Variants in AKT3 observed in about 807,000 individuals in gnomAD.
AKT3 encodes RAC-gamma serine/threonine-protein kinase.
A neutral mutation model predicts 65.3 loss-of-function variants in AKT3; 15 were observed. The ratio of observed to expected loss-of-function variants is 0.23; its 90% confidence interval spans 0.15 to 0.35. AKT3 has a LOEUF of 0.35. Among genes scored for constraint, AKT3 ranks in the 10% least tolerant of loss-of-function variants. AKT3 has a pLI of 1.00. For missense variants in AKT3, 243 were observed against 576.5 expected (o/e 0.42, Z 5.92); for synonymous variants, 206 against 183.8 (o/e 1.12, Z -0.98).
At chr1:243,823,177 C>A (rs1399334908) in intron 2 of AKT3, among the ~76,000 whole-genome samples, 1 of 150,432 alleles carries the variant, frequency 6.6e-6, no homozygotes, top group African/African-American at 2.5e-5. Context: ...AAAAACAAAA[C>A]CACATGATTA....
At chr1:243,499,627 T>C (rs1669005464), downstream of AKT3, 1 of 770,210 alleles carries the variant, frequency 1.3e-6, no homozygotes, top group African/African-American at 1.8e-5. Flanking sequence ...AATTTCCACA[T>C]TTTTAGCAAC....
At chr1:243,604,935 G>A (rs544814921) in intron 8 of AKT3, among the ~76,000 whole-genome samples, 1 of 152,104 alleles carries the variant, frequency 6.6e-6, no homozygotes, top group Non-Finnish European at 1.5e-5. Context: ...TCCTTAGAAC[G>A]GTATTACACT....
intron 2 of AKT3, among the ~76,000 whole-genome samples, chr1:243,817,512 G>C (rs768147289): frequency 6.6e-6 from 1 of 151,980 alleles, no homozygotes; most frequent in Non-Finnish European, 1.5e-5. Flanking sequence ...AAACTGAGGT[G>C]GGCGAATCAC....
chr1:243,602,064 T>A (rs1192002843), intron 8 of AKT3, among the ~76,000 whole-genome samples: 1 of 152,206 alleles, frequency 6.6e-6, no homozygotes, highest in Non-Finnish European at 1.5e-5. Flanking sequence ...CCCCTGCAGT[T>A]CCAGCCACTT....
intron 12 of AKT3, among the ~76,000 whole-genome samples, chr1:243,513,234 C>A (rs968523938): frequency 6.6e-6 from 1 of 152,180 alleles, no homozygotes; most frequent in Non-Finnish European, 1.5e-5. Flanking sequence ...ACACGAGGCT[C>A]CTGCTTCTCA....
At position 243,683,490 on chromosome 1, in the gene AKT3, G is replaced by A. The variant is rs150921801; in HGVS notation, c.172+12101C>T. On this transcript the variant is annotated intron_variant, in intron 3 of 13. Transcript: ENST00000673466. ...TAGAAAACTTCAAAACACAGTAGGT[G>A]CAAATGGTTGTTATTTGAGATGGCT... Among the ~76,000 whole-genome samples the A allele has an allele frequency of 8.5e-4, 130 of 152,262 alleles. 1 individual carries two copies. The highest frequency in any genetic ancestry group is 3.0e-3 in the African/African-American group (123 of 41,560).
intron 2 of AKT3, among the ~76,000 whole-genome samples, chr1:243,839,079 G>A (rs1695075320): frequency 6.6e-6 from 1 of 151,966 alleles, no homozygotes; most frequent in Non-Finnish European, 1.5e-5. Flanking sequence ...ATTTATAAAA[G>A]ACTACTTAGG....
rs533952545 is a variant in AKT3 at position 243,663,290 on chromosome 1, G to T, written c.284+1482C>A. ...GTCTATTAGAGTCAGAGGTTTTGTA[G>T]GAAAAATAACATTTTAAGCTCAGAT... On this transcript the variant is annotated intron_variant, in intron 4 of 13. Coordinates refer to ENST00000673466, the MANE Select transcript of AKT3 (RefSeq NM_005465.7). Among the ~76,000 whole-genome samples the T allele has an allele frequency of 1.6e-4, 24 of 152,276 alleles. No individual in the cohort carries two copies. The South Asian group carries it at 4.6e-3, about 29-fold the overall frequency.
intron 12 of AKT3, among the ~76,000 whole-genome samples, chr1:243,533,888 G>A (rs1671724421): frequency 6.6e-6 from 1 of 152,202 alleles, no homozygotes; most frequent in South Asian, 2.1e-4. Flanking sequence ...TACTCGGGAG[G>A]CTGAGGCAGG....
chr1:243,722,760 A>G (rs2148118931), intron 2 of AKT3, among the ~76,000 whole-genome samples: 1 of 152,324 alleles, frequency 6.6e-6, no homozygotes, highest in South Asian at 2.1e-4. Context: ...ATACCATGGC[A>G]AATTATACCT....
exon 14 of AKT3, chr1:243,488,427 GTGCTGCTGGC>G: frequency 1.9e-5 from 3 of 162,084 alleles, no homozygotes; most frequent in South Asian, 1.7e-4. Context: ...ATGGGTGACT[GTGCTGCTGGC>G]TGTAGGAAGC....
chr1:243,615,514 G>A (rs1286304600), intron 6 of AKT3, among the ~76,000 whole-genome samples: 1 of 152,070 alleles, frequency 6.6e-6, no homozygotes, highest in Admixed American at 6.6e-5. Flanking sequence ...TCTGCATGAG[G>A]TAATTTAATA....
intron 2 of AKT3, among the ~76,000 whole-genome samples, chr1:243,718,079 G>C (rs1053364498): frequency 1.3e-5 from 2 of 152,206 alleles, no homozygotes; most frequent in African/African-American, 4.8e-5. Context: ...CTATGCATAA[G>C]AAAACAGAGG....
chr1:243,677,185 C>A (rs1435328686), intron 3 of AKT3, among the ~76,000 whole-genome samples: 1 of 152,196 alleles, frequency 6.6e-6, no homozygotes, highest in African/African-American at 2.4e-5. Context: ...CTGTTTCTCT[C>A]ACCTGACACA....
chr1:243,645,621 G>A (rs976011046), intron 5 of AKT3, among the ~76,000 whole-genome samples: 6 of 152,242 alleles, frequency 3.9e-5, no homozygotes, highest in African/African-American at 1.4e-4. Context: ...AAAATAATAA[G>A]GAAAAAATGC....
intron 2 of AKT3, among the ~76,000 whole-genome samples, chr1:243,750,582 T>A (rs1475239918): frequency 6.7e-6 from 1 of 150,230 alleles, no homozygotes; most frequent in Non-Finnish European, 1.5e-5. Context: ...TTAAGGCTAA[T>A]CTTTTTTTTT....
At chr1:243,647,267 T>C (rs1264414204) in intron 4 of AKT3, among the ~76,000 whole-genome samples, 1 of 152,234 alleles carries the variant, frequency 6.6e-6, no homozygotes, top group African/African-American at 2.4e-5. Context: ...TTACACTGTA[T>C]TTTTACTGTA....
intron 4 of AKT3, among the ~76,000 whole-genome samples, chr1:243,659,269 G>A (rs1349816905): frequency 6.6e-6 from 1 of 152,148 alleles, no homozygotes; most frequent in Non-Finnish European, 1.5e-5. Flanking sequence ...CTGGGGGTAT[G>A]GGAATGGAGA....
intron 2 of AKT3, chr1:243,739,418 C>A (rs1467005222): frequency 6.6e-6 from 1 of 151,944 alleles, no homozygotes; most frequent in Non-Finnish European, 1.5e-5. Flanking sequence ...GTAGTCCAAT[C>A]AAAATACTAA....
Sources: gnomAD v4.1 joint callset for allele counts (sites outside exome capture counted in the v4.1 genomes callset) on GRCh38, gnomAD v4.1.1 for gene constraint, MANE v1.5 for transcripts, NCBI Gene and HGNC (gene_info 2026-07-23, HGNC 2026-07-21) for gene names.